Variants in LINGO2 observed in about 807,000 individuals in gnomAD.
LINGO2 encodes the protein leucine rich repeat and Ig domain containing 2, also known as leucine-rich repeat and immunoglobulin-like domain-containing nogo receptor-interacting protein 2.
A neutral mutation model predicts 30.6 loss-of-function variants in LINGO2; 14 were observed. The observed-to-expected ratio is 0.46, with a 90% CI of 0.30 to 0.72. The LOEUF (loss-of-function observed/expected upper bound fraction) is 0.72, where lower values mean the gene tolerates loss of function less well. Ranked by LOEUF, LINGO2 falls within the 30% of genes least tolerant of loss-of-function variation. The pLI, the probability that LINGO2 is intolerant of heterozygous loss-of-function variation, is 0.07. For synonymous variants in LINGO2, 317 were observed against 288.5 expected (o/e 1.10, Z -1.00); for missense variants, 729 against 751.7 (o/e 0.97, Z 0.35).
At chr9:28,898,288 T>C in the LINGO2 span, among the ~76,000 whole-genome samples, 1 of 152,224 alleles carries the variant, frequency 6.6e-6, no homozygotes, top group Non-Finnish European at 1.5e-5. Context: ...GTAGCAGTTA[T>C]CATCCAAAAT....
the LINGO2 span, among the ~76,000 whole-genome samples, chr9:28,833,678 G>C: frequency 6.6e-6 from 1 of 152,010 alleles, no homozygotes; most frequent in Non-Finnish European, 1.5e-5. Context: ...TTATTTTTTC[G>C]CAGTTTTCTA....
At chr9:28,616,984 T>G (rs76606902) in intron 1 of LINGO2, among the ~76,000 whole-genome samples, 3,559 of 152,296 alleles carry the variant, frequency 0.023, 83 homozygotes, top group East Asian at 0.083. Context: ...ATTGTGACAA[T>G]TTTTCACTTA....
intron 2 of LINGO2, among the ~76,000 whole-genome samples, chr9:28,461,396 G>A (rs150102160): frequency 6.6e-6 from 1 of 151,986 alleles, no homozygotes; most frequent in Non-Finnish European, 1.5e-5. Flanking sequence ...GCCATACAGG[G>A]TATCTTAAAT....
At chr9:28,215,584 A>T (rs1194685386) in intron 4 of LINGO2, among the ~76,000 whole-genome samples, 3 of 151,798 alleles carry the variant, frequency 2.0e-5, no homozygotes, top group Non-Finnish European at 2.9e-5. Context: ...GTTCAATTTA[A>T]TCAAACAACT....
chr9:28,085,660 T>C (rs1459284087), intron 4 of LINGO2, among the ~76,000 whole-genome samples: 1 of 152,040 alleles, frequency 6.6e-6, no homozygotes, highest in East Asian at 1.9e-4. Context: ...ATAGAAATAT[T>C]CCAGCGATCC....
chr9:28,739,091 T>C, the LINGO2 span, among the ~76,000 whole-genome samples: 1 of 152,002 alleles, frequency 6.6e-6, no homozygotes, highest in Non-Finnish European at 1.5e-5. Context: ...CCAAAAGGGA[T>C]ATATAATTAA....
At chr9:28,364,519 C>A (rs1820583632) in intron 3 of LINGO2, among the ~76,000 whole-genome samples, 1 of 152,120 alleles carries the variant, frequency 6.6e-6, no homozygotes, top group South Asian at 2.1e-4. Context: ...AAGGCACCTG[C>A]CATTTTATAT....
At chr9:28,247,757 T>G (rs1354159786) in intron 4 of LINGO2, among the ~76,000 whole-genome samples, 1 of 151,928 alleles carries the variant, frequency 6.6e-6, no homozygotes, top group East Asian at 1.9e-4. Context: ...AACTTAAAGT[T>G]TAAAAAAAAA....
In LINGO2 at chr9:28,048,682, G is replaced by T. The variant is rs539351504; in HGVS notation, c.-86-36277C>A. ...ATATATGCACAGAACACTTATCTACGATGCCAAAAGGCTGAAAATAGCATA... is the reference window on the plus strand; with the variant it reads ...ATATATGCACAGAACACTTATCTACTATGCCAAAAGGCTGAAAATAGCATA... On this transcript the variant is annotated intron_variant, in intron 4 of 5. Coordinates refer to ENST00000379992, the Ensembl canonical transcript of LINGO2. Among the ~76,000 whole-genome samples the T allele has an allele frequency of 5.3e-5, 8 of 150,516 alleles. No homozygotes were observed. The South Asian group carries it at 1.7e-3, about 32-fold the overall frequency.
intron 4 of LINGO2, among the ~76,000 whole-genome samples, chr9:28,247,414 C>A (rs935588038): frequency 6.6e-6 from 1 of 152,118 alleles, no homozygotes; most frequent in African/African-American, 2.4e-5. Context: ...GAATATTATG[C>A]AGCCACAAAA....
At chr9:28,841,721 A>T in the LINGO2 span, among the ~76,000 whole-genome samples, 1 of 151,754 alleles carries the variant, frequency 6.6e-6, no homozygotes, top group African/African-American at 2.4e-5. Context: ...AAAGATGACA[A>T]GTAAGCAATG....
intron 4 of LINGO2, among the ~76,000 whole-genome samples, chr9:28,265,027 A>C (rs1319736759): frequency 6.6e-6 from 1 of 151,914 alleles, no homozygotes; most frequent in East Asian, 1.9e-4. Context: ...ACAGATTTAA[A>C]ACTCAAGATG....
At chr9:28,006,842 TA>T (rs1822290640) in intron 5 of LINGO2, among the ~76,000 whole-genome samples, 1 of 152,156 alleles carries the variant, frequency 6.6e-6, no homozygotes, top group African/African-American at 2.4e-5. Context: ...CCCCTAAAAC[TA>T]AACAGCAATA....
chr9:28,477,698 A>G (rs907448398), intron 1 of LINGO2, among the ~76,000 whole-genome samples: 4 of 152,210 alleles, frequency 2.6e-5, no homozygotes, highest in Non-Finnish European at 5.9e-5. Flanking sequence ...GAATATAGCA[A>G]GAGCTTTCTA....
chr9:29,085,205 T>C, the LINGO2 span, among the ~76,000 whole-genome samples: 1 of 148,138 alleles, frequency 6.8e-6, no homozygotes, highest in Non-Finnish European at 1.5e-5. Flanking sequence ...CAAAAATTCC[T>C]CTTATATTCT....
intron 2 of LINGO2, among the ~76,000 whole-genome samples, chr9:28,410,322 G>C (rs886982984): frequency 2.7e-4 from 41 of 152,150 alleles, no homozygotes; most frequent in African/African-American, 9.4e-4. Context: ...ACTCAGAGTT[G>C]AACAGTTGTT....
At chr9:28,228,459 G>C (rs1185880245) in intron 4 of LINGO2, among the ~76,000 whole-genome samples, 1 of 151,898 alleles carries the variant, frequency 6.6e-6, no homozygotes, top group African/African-American at 2.4e-5. Context: ...TTTGGTTTAA[G>C]TATCTATAAT....
chr9:28,148,667 C>G lies in LINGO2; in HGVS notation c.-86-136262G>C, dbSNP rs1037387585. The G allele has an allele frequency of 6.5e-7, 1 of 1,532,900 alleles. No homozygotes were observed. Among genetic ancestry groups the G allele is most frequent in the African/African-American group, 1.4e-5 (1 of 72,966 alleles). The allele number at this position is 1,532,900 out of a possible 1,614,324, so 95.0% of individuals were successfully genotyped here. A position where few individuals can be genotyped will look rare whatever the true frequency, so the allele number is the denominator to read the frequency against. On this transcript the variant is annotated intron_variant, in intron 4 of 5. Transcript: ENST00000379992. The surrounding 1 kb of genome is among the most constrained non-coding windows in gnomAD (Gnocchi z 5.1). ...CAACCAGACTGACAAGGCCCAGGTGCCTGCAGTGAGTTTCTACTCCAACGG... is the reference window on the plus strand; with the variant it reads ...CAACCAGACTGACAAGGCCCAGGTGGCTGCAGTGAGTTTCTACTCCAACGG...
the LINGO2 span, among the ~76,000 whole-genome samples, chr9:28,959,624 A>T: frequency 1.3e-5 from 2 of 149,868 alleles, no homozygotes; most frequent in Admixed American, 6.6e-5. Flanking sequence ...ACACACACAC[A>T]CACACACACA....
Sources: gnomAD v4.1 joint callset for allele counts (sites outside exome capture counted in the v4.1 genomes callset) on GRCh38, gnomAD v4.1.1 for gene constraint, Gnocchi (gnomAD v3.1) non-coding constraint, MANE v1.5 for transcripts, NCBI Gene and HGNC (gene_info 2026-07-23, HGNC 2026-07-21) for gene names.